Variants in ADAMTS17 observed in about 807,000 individuals in gnomAD.
The protein encoded by ADAMTS17 is ADAM metallopeptidase with thrombospondin type 1 motif 17, also known as A disintegrin and metalloproteinase with thrombospondin motifs 17.
ADAMTS17 carries 113 observed loss-of-function variants against 141.5 expected under a neutral mutation model. That is an observed-to-expected ratio of 0.80 (90% CI 0.69 to 0.93). The LOEUF (loss-of-function observed/expected upper bound fraction) is 0.93. ADAMTS17 is among the 40% of genes least tolerant of loss of function. The pLI, the probability that ADAMTS17 is intolerant of heterozygous loss-of-function variation, is 0.00. For missense variants in ADAMTS17, 1,659 were observed against 1,517.9 expected (o/e 1.09, Z -1.54); for synonymous variants, 768 against 630.6 (o/e 1.22, Z -3.27).
intron 3 of ADAMTS17, among the ~76,000 whole-genome samples, chr15:100,292,908 A>C (rs1269429127): frequency 6.6e-6 from 1 of 152,232 alleles, no homozygotes; most frequent in Non-Finnish European, 1.5e-5. Flanking sequence ...AATATTCTCC[A>C]AACACCAACT....
At chr15:100,200,824 C>G (rs192683094) in intron 7 of ADAMTS17, among the ~76,000 whole-genome samples, 1 of 152,150 alleles carries the variant, frequency 6.6e-6, no homozygotes, top group Non-Finnish European at 1.5e-5. Context: ...TCGAGCTGCA[C>G]CTGCTCTCCC....
chr15:100,290,136 C>T (rs2044580679), intron 3 of ADAMTS17, among the ~76,000 whole-genome samples: 1 of 152,122 alleles, frequency 6.6e-6, no homozygotes, highest in Non-Finnish European at 1.5e-5. Context: ...CCCCCAAAAG[C>T]TCCTAGATCT....
At chr15:100,023,165 C>T (rs1178075090) in intron 18 of ADAMTS17, among the ~76,000 whole-genome samples, 2 of 152,188 alleles carry the variant, frequency 1.3e-5, no homozygotes, top group Non-Finnish European at 2.9e-5. Flanking sequence ...TGATGTTTTC[C>T]CTTGTCAACT....
chr15:100,298,108 G>A (rs2044888224), intron 3 of ADAMTS17, among the ~76,000 whole-genome samples: 1 of 152,160 alleles, frequency 6.6e-6, no homozygotes, highest in Non-Finnish European at 1.5e-5. Context: ...AGGGTTGAAT[G>A]CATGTTTGGC....
intron 8 of ADAMTS17, among the ~76,000 whole-genome samples, chr15:100,187,938 A>G (rs947421495): frequency 1.3e-5 from 2 of 152,194 alleles, no homozygotes; most frequent in South Asian, 4.1e-4. Flanking sequence ...AGCAGCAATA[A>G]CCAGGCGGGA....
At chr15:100,062,088 T>A (rs1047376131) in intron 15 of ADAMTS17, among the ~76,000 whole-genome samples, 1 of 151,474 alleles carries the variant, frequency 6.6e-6, no homozygotes, top group African/African-American at 2.4e-5. Flanking sequence ...TTAGAATGCA[T>A]TTTTAAGTGT....
At chr15:100,252,237 G>A (rs1596365356) in intron 7 of ADAMTS17, among the ~76,000 whole-genome samples, 1 of 152,196 alleles carries the variant, frequency 6.6e-6, no homozygotes, top group East Asian at 1.9e-4. Context: ...CACACCACTG[G>A]ATACATTGTT....
intron 8 of ADAMTS17, among the ~76,000 whole-genome samples, chr15:100,192,072 A>G (rs561660531): frequency 3.6e-4 from 55 of 152,372 alleles, no homozygotes; most frequent in African/African-American, 1.3e-3. Flanking sequence ...ATAAAAGGAA[A>G]TAAGGCCTGC....
chr15:100,068,816 A>G (rs1184319377), intron 15 of ADAMTS17, among the ~76,000 whole-genome samples: 1 of 152,192 alleles, frequency 6.6e-6, no homozygotes, highest in Non-Finnish European at 1.5e-5. Context: ...CAGAGCAGAA[A>G]AACTGGAAAC....
intron 15 of ADAMTS17, among the ~76,000 whole-genome samples, chr15:100,086,341 A>C (rs1567149513): frequency 6.6e-6 from 1 of 150,738 alleles, no homozygotes; most frequent in African/African-American, 2.5e-5. Context: ...ACCCAGATTC[A>C]TAAAGCAAGT....
At chr15:100,135,275 A>G (rs189424729) in intron 10 of ADAMTS17, among the ~76,000 whole-genome samples, 178 of 149,916 alleles carry the variant, frequency 1.2e-3, no homozygotes, top group African/African-American at 4.0e-3. Context: ...ACACCATATT[A>G]AAATTAACAA....
intron 7 of ADAMTS17, among the ~76,000 whole-genome samples, chr15:100,223,381 T>G (rs1420621379): frequency 3.3e-5 from 5 of 152,126 alleles, no homozygotes; most frequent in Non-Finnish European, 7.4e-5. Context: ...AAACAAAACA[T>G]GTTTGAGACC....
chr15:100,030,079 C>T (rs185349578), intron 18 of ADAMTS17, among the ~76,000 whole-genome samples: 4 of 152,234 alleles, frequency 2.6e-5, no homozygotes, highest in African/African-American at 9.6e-5. Context: ...AGGTGCTGGC[C>T]CCCAGATCAC....
At chr15:100,323,334 G>T (rs953152808) in intron 3 of ADAMTS17, among the ~76,000 whole-genome samples, 1 of 152,152 alleles carries the variant, frequency 6.6e-6, no homozygotes, top group African/African-American at 2.4e-5. Flanking sequence ...CAAGCTAGTG[G>T]TAGAGACAGG....
intron 3 of ADAMTS17, among the ~76,000 whole-genome samples, chr15:100,301,700 C>A (rs1445061345): frequency 6.6e-6 from 1 of 152,080 alleles, no homozygotes; most frequent in African/African-American, 2.4e-5. Context: ...AGTAAATTAT[C>A]TTTACCATCT....
chr15:100,247,422 C>T (rs2043021913), intron 7 of ADAMTS17, among the ~76,000 whole-genome samples: 1 of 152,182 alleles, frequency 6.6e-6, no homozygotes, highest in African/African-American at 2.4e-5. Flanking sequence ...AACCCAAAAC[C>T]ACCCTCACAG....
At chr15:100,042,858 G>C (rs2031372321) in intron 18 of ADAMTS17, among the ~76,000 whole-genome samples, 1 of 152,124 alleles carries the variant, frequency 6.6e-6, no homozygotes, top group East Asian at 1.9e-4. Context: ...TAATATTTTT[G>C]GGCAATGGTT....
chr15:100,297,268 G>A (rs1159264850), intron 3 of ADAMTS17, among the ~76,000 whole-genome samples: 1 of 152,158 alleles, frequency 6.6e-6, no homozygotes, highest in Non-Finnish European at 1.5e-5. Flanking sequence ...GGAGCAATGG[G>A]CAGGGCAAAC....
chr15:100,318,274 G>T (rs532925515), intron 3 of ADAMTS17, among the ~76,000 whole-genome samples: 19 of 130,634 alleles, frequency 1.5e-4, no homozygotes, highest in Admixed American at 5.4e-4. Context: ...TCTAACACCC[G>T]CCCCCCCTTA....
Sources: gnomAD v4.1 joint callset for allele counts (sites outside exome capture counted in the v4.1 genomes callset) on GRCh38, gnomAD v4.1.1 for gene constraint, MANE v1.5 for transcripts, NCBI Gene and HGNC (gene_info 2026-07-23, HGNC 2026-07-21) for gene names.